Variants in KCNH7 observed in about 807,000 individuals in gnomAD.
KCNH7 encodes the protein voltage-gated inwardly rectifying potassium channel KCNH7.
A neutral mutation model predicts 120.8 loss-of-function variants in KCNH7; 49 were observed. The observed-to-expected ratio is 0.41, with a 90% CI of 0.32 to 0.51. The LOEUF (loss-of-function observed/expected upper bound fraction) is 0.51, where lower values mean the gene tolerates loss of function less well. Ranked by LOEUF, KCNH7 falls within the 20% of genes least tolerant of loss-of-function variation. KCNH7 has a pLI of 0.38. For synonymous variants in KCNH7, 547 were observed against 516.1 expected (o/e 1.06, Z -0.81); for missense variants, 1,097 against 1,446.6 (o/e 0.76, Z 3.92).
chr2:162,495,592 C>A (rs1183361130), intron 6 of KCNH7, among the ~76,000 whole-genome samples: 3 of 152,148 alleles, frequency 2.0e-5, no homozygotes, highest in Admixed American at 6.5e-5. Context: ...TCAGTCCTAT[C>A]ATGATTTGTT....
intron 2 of KCNH7, among the ~76,000 whole-genome samples, chr2:162,753,678 G>T (rs988797387): frequency 1.3e-5 from 2 of 152,036 alleles, no homozygotes; most frequent in Admixed American, 1.3e-4. Flanking sequence ...GGATCCTAGA[G>T]GAGTTGCCAC....
At chr2:162,595,672 T>G (rs1694353914) in intron 2 of KCNH7, among the ~76,000 whole-genome samples, 2 of 151,900 alleles carry the variant, frequency 1.3e-5, no homozygotes, top group South Asian at 4.1e-4. Flanking sequence ...GGCAAGGATA[T>G]TCACTCACCA....
intron 2 of KCNH7, among the ~76,000 whole-genome samples, chr2:162,695,350 T>C (rs1686253283): frequency 6.6e-6 from 1 of 152,154 alleles, no homozygotes; most frequent in Non-Finnish European, 1.5e-5. Context: ...CAGCAGCACA[T>C]AGTTTTCAAA....
chr2:162,528,096 T>A (rs756266361), intron 3 of KCNH7: 16 of 151,954 alleles, frequency 1.1e-4, no homozygotes, highest in Non-Finnish European at 2.1e-4. Flanking sequence ...ATCTGAGTAA[T>A]GCCCATTCAG....
At chr2:162,378,427 TA>T (rs1686290757) in intron 14 of KCNH7, among the ~76,000 whole-genome samples, 3 of 152,162 alleles carry the variant, frequency 2.0e-5, no homozygotes. Flanking sequence ...TCAACAACAA[TA>T]AACGGCATGG....
At chr2:162,820,209 TTGTGTG>T (rs71410049) in intron 2 of KCNH7, among the ~76,000 whole-genome samples, 2,355 of 99,702 alleles carry the variant, frequency 0.024, 74 homozygotes, top group African/African-American at 0.079. Flanking sequence ...CCGGCTAATT[TTGTGTG>T]TGTGTGTGTG....
intron 6 of KCNH7, among the ~76,000 whole-genome samples, chr2:162,494,584 T>C (rs892501468): frequency 6.6e-6 from 1 of 152,172 alleles, no homozygotes; most frequent in Non-Finnish European, 1.5e-5. Context: ...TCAATCATAA[T>C]AAAGGTTATT....
At chr2:162,699,977 T>A (rs1434230733) in intron 2 of KCNH7, among the ~76,000 whole-genome samples, 1 of 152,180 alleles carries the variant, frequency 6.6e-6, no homozygotes, top group Non-Finnish European at 1.5e-5. Flanking sequence ...AAAATTACTT[T>A]TTTTTTCATT....
intron 9 of KCNH7, among the ~76,000 whole-genome samples, chr2:162,410,508 C>T (rs903645156): frequency 6.6e-6 from 1 of 151,756 alleles, no homozygotes. Flanking sequence ...ACATTCCAGG[C>T]CATATCATTA....
chr2:162,416,688 G>T (rs1433779653), intron 9 of KCNH7, among the ~76,000 whole-genome samples: 2 of 152,116 alleles, frequency 1.3e-5, no homozygotes, highest in Non-Finnish European at 2.9e-5. Flanking sequence ...AAGAATGAAT[G>T]ACAGCATATA....
At chr2:162,720,560 A>G (rs560346097) in intron 2 of KCNH7, among the ~76,000 whole-genome samples, 1 of 152,044 alleles carries the variant, frequency 6.6e-6, no homozygotes, top group African/African-American at 2.4e-5. Context: ...AGGTTGTATA[A>G]CACACAATTT....
intron 2 of KCNH7, among the ~76,000 whole-genome samples, chr2:162,818,517 A>G (rs1370613454): frequency 1.3e-5 from 2 of 152,112 alleles, no homozygotes; most frequent in Admixed American, 1.3e-4. Context: ...AGGTGCCTTG[A>G]GTCTTCAAAT....
At chr2:162,483,422 A>T (rs1413282015) in intron 6 of KCNH7, among the ~76,000 whole-genome samples, 1 of 152,146 alleles carries the variant, frequency 6.6e-6, no homozygotes, top group Non-Finnish European at 1.5e-5. Context: ...TCAATTTCAC[A>T]TAGAATGGAA....
At chr2:162,786,842 C>G (rs1683725346) in intron 2 of KCNH7, among the ~76,000 whole-genome samples, 1 of 152,166 alleles carries the variant, frequency 6.6e-6, no homozygotes, top group Admixed American at 6.5e-5. Flanking sequence ...ATTTGAACAA[C>G]CATCCGCACC....
At chr2:162,635,404 T>C (rs1683920256) in intron 2 of KCNH7, among the ~76,000 whole-genome samples, 1 of 152,104 alleles carries the variant, frequency 6.6e-6, no homozygotes, top group Admixed American at 6.6e-5. Context: ...TCTTTCCCTA[T>C]AGAACTGTTG....
intron 8 of KCNH7, among the ~76,000 whole-genome samples, chr2:162,430,156 G>C (rs758406785): frequency 2.0e-5 from 3 of 151,930 alleles, no homozygotes; most frequent in Non-Finnish European, 4.4e-5. Context: ...ATTAGCCCTA[G>C]TACGACAGCA....
At chr2:162,605,672 AAATTCTGCTTCAGTGTG>A (rs1348437303) in intron 2 of KCNH7, among the ~76,000 whole-genome samples, 2 of 152,134 alleles carry the variant, frequency 1.3e-5, no homozygotes, top group African/African-American at 4.8e-5. Context: ...GTGAGTACTA[AAATTCTGCTTCAGTGTG>A]AATTCCACAA....
At chr2:162,667,790 C>T (rs1247251490) in intron 2 of KCNH7, among the ~76,000 whole-genome samples, 1 of 152,154 alleles carries the variant, frequency 6.6e-6, no homozygotes, top group Non-Finnish European at 1.5e-5. Context: ...CAAAGCTACT[C>T]TTTTTATGTA....
At chr2:162,838,259 A>C (rs1013293141) in intron 1 of KCNH7, among the ~76,000 whole-genome samples, 184 bp downstream of exon 1, 2 of 152,208 alleles carry the variant, frequency 1.3e-5, no homozygotes. Flanking sequence ...GTAATCTAAA[A>C]TGTAAATCAA....
Sources: gnomAD v4.1 joint callset for allele counts (sites outside exome capture counted in the v4.1 genomes callset) on GRCh38, gnomAD v4.1.1 for gene constraint, MANE v1.5 for transcripts, NCBI Gene and HGNC (gene_info 2026-07-23, HGNC 2026-07-21) for gene names.